The following KDM2A variants were observed in gnomAD, a reference collection of about 807,000 sequenced individuals.
KDM2A encodes the protein lysine demethylase 2A, also known as lysine-specific demethylase 2A.
A neutral mutation model predicts 137.3 loss-of-function variants in KDM2A; 3 were observed. The ratio of observed to expected loss-of-function variants is 0.02; its 90% CI spans 0.01 to 0.06. The LOEUF (loss-of-function observed/expected upper bound fraction) is 0.06. Ranked by LOEUF, KDM2A falls within the 10% of genes least tolerant of loss-of-function variation. The pLI is 1.00. For synonymous variants in KDM2A, 512 were observed against 541.5 expected (o/e 0.95, Z 0.76); for missense variants, 738 against 1,510.6 (o/e 0.49, Z 8.48).
rs771990150 is a variant in KDM2A, at chr11:67,250,224, C to T, written c.2194C>T (p.Pro732Ser). ...MLQLIHDPVS[P>S]RGMVTRSSPG... The stretch of plus-strand genomic sequence containing the variant: ...GCAGCTCATCCATGACCCGGTTTCC[C>T]CCCGGGGTATGGTGACTCGGTCATC... Residue 732 changes from proline (P) to serine (S), a missense_variant, in exon 17 of 21, where the codon CCC becomes TCC. Pro to Ser is a moderately conservative substitution (Grantham distance 74). Coordinates refer to ENST00000529006, the MANE Select transcript of KDM2A (RefSeq NM_012308.3). The surrounding 1 kb of genome is among the most constrained non-coding windows in gnomAD (Gnocchi z 7.1). The T allele has an allele frequency of 2.2e-5, 36 of 1,613,796 alleles. No homozygotes were observed. Among genetic ancestry groups the T allele is most frequent in the Non-Finnish European group, 2.1e-5 (25 of 1,179,886 alleles).
chr11:67,121,323 C>G lies in KDM2A; in HGVS notation c.7C>G (p.Pro3Ala). 1.2e-6 allele frequency: 2 copies of G among 1,613,710 alleles called. No individual in the cohort carries two copies. The highest frequency in any genetic ancestry group is 2.2e-5 in the South Asian group (2 of 91,068). The change falls in exon 2 of 21, where the codon CCC becomes GCC. Residue 3 changes from proline to alanine, a missense_variant. Around this residue, in one of 9 missense-constraint regions of KDM2A, gnomAD observed 74 missense variants for 181.8 expected, o/e 0.41. Coordinates refer to ENST00000529006, the MANE Select transcript of KDM2A (RefSeq NM_012308.3). ...TTCAACAGAAGAGTGAGAGATGGAA[C>G]CCGAAGAAGAAAGGATTCGTTACAG... MEPEEERIRYSQR... is the reference protein window; with the variant it reads MEAEEERIRYSQR...
At position 67,150,100 on chromosome 11, in the gene KDM2A, C is replaced by T. The variant is rs1044705198; in HGVS notation, c.42+28742C>T. Among the ~76,000 whole-genome samples, 7 of 152,192 alleles carry T rather than the reference C, an allele frequency of 4.6e-5. No homozygotes were observed. The East Asian group carries it at 5.8e-4, about 13-fold the overall frequency. Reference sequence around the variant, plus strand: ...TCGTTGTGTAATGACAGATCTTACACGAAATTACAGAATTCTTTACAACCC... The same window carrying T: ...TCGTTGTGTAATGACAGATCTTACATGAAATTACAGAATTCTTTACAACCC... On this transcript the variant is annotated intron_variant, in intron 2 of 20. Transcript: ENST00000529006.
chr11:67,222,059 CTTTTTT>C (rs11373238), intron 10 of KDM2A, among the ~76,000 whole-genome samples: 2 of 110,530 alleles, frequency 1.8e-5, no homozygotes, highest in East Asian at 2.6e-4. Context: ...CTCTGTCATT[CTTTTTT>C]TTTTTTTTTT....
rs1253328774 is a variant in KDM2A at position 67,254,143 on chromosome 11, C to T, written c.3092-60C>T. Reference sequence around the variant, plus strand: ...AGCAAGTAGCTGTTGCTGCCTGGAGCCTTGAAGCTGGATTAGAGAATTGAG... The same window carrying T: ...AGCAAGTAGCTGTTGCTGCCTGGAGTCTTGAAGCTGGATTAGAGAATTGAG... On this transcript the variant is annotated intron_variant, in intron 19 of 20. Transcript: ENST00000529006. The surrounding 1 kb of genome is among the most constrained non-coding windows in gnomAD (Gnocchi z 4.7). The T allele has an allele frequency of 5.4e-6, 8 of 1,487,782 alleles. No individual in the cohort carries two copies. Among genetic ancestry groups the T allele is most frequent in the African/African-American group, 1.4e-5 (1 of 72,426 alleles). 92.2% of individuals were successfully genotyped at this position (1,487,782 alleles called of 1,614,324 possible). A position where few individuals can be genotyped will look rare whatever the true frequency, so the allele number is the denominator to read the frequency against.
intron 2 of KDM2A, among the ~76,000 whole-genome samples, chr11:67,161,196 A>G (rs950130977): frequency 7.2e-5 from 11 of 152,202 alleles, no homozygotes; most frequent in African/African-American, 2.7e-4. Flanking sequence ...TCCTGTCTCT[A>G]TTAAAAATTT....
chr11:67,226,876 C>A (rs534338492), intron 10 of KDM2A, among the ~76,000 whole-genome samples: 1 of 151,988 alleles, frequency 6.6e-6, no homozygotes, highest in African/African-American at 2.4e-5. Context: ...CTTGTAATCT[C>A]GGCTACTGGG....
chr11:67,230,576 T>C (rs926865416), intron 11 of KDM2A, among the ~76,000 whole-genome samples: 5 of 150,282 alleles, frequency 3.3e-5, no homozygotes, highest in Non-Finnish European at 7.4e-5. Flanking sequence ...CAGTGAGCCA[T>C]GATTGCATCA....
chr11:67,213,074 A>G (rs2136390917), intron 6 of KDM2A, among the ~76,000 whole-genome samples: 1 of 152,324 alleles, frequency 6.6e-6, no homozygotes, highest in African/African-American at 2.4e-5. Context: ...GTTAACCTTA[A>G]CCGTTGCTCC....
intron 2 of KDM2A, among the ~76,000 whole-genome samples, chr11:67,171,913 C>T (rs925345117): frequency 3.9e-5 from 6 of 152,364 alleles, no homozygotes; most frequent in South Asian, 2.1e-4. Context: ...TCTCCTTAAA[C>T]ACCAGTACCA....
chr11:67,177,206 CAG>C (rs1445942768), intron 2 of KDM2A, among the ~76,000 whole-genome samples: 1 of 152,038 alleles, frequency 6.6e-6, no homozygotes, highest in Non-Finnish European at 1.5e-5. Context: ...GTGGAGGTTG[CAG>C]AGAGCCGAGA....
At chr11:67,144,444 G>A (rs1856196742) in intron 2 of KDM2A, among the ~76,000 whole-genome samples, 1 of 151,722 alleles carries the variant, frequency 6.6e-6, no homozygotes, top group Admixed American at 6.6e-5. Flanking sequence ...TAGAGTTGGG[G>A]TTTCTCCATG....
chr11:67,142,109 G>A (rs930115766), intron 2 of KDM2A, among the ~76,000 whole-genome samples: 5 of 151,788 alleles, frequency 3.3e-5, no homozygotes, highest in East Asian at 1.9e-4. Context: ...CACGATCTCC[G>A]CTCACTGCAA....
chr11:67,225,334 G>A (rs908291066), intron 10 of KDM2A, among the ~76,000 whole-genome samples: 2 of 152,146 alleles, frequency 1.3e-5, no homozygotes, highest in Non-Finnish European at 2.9e-5. Flanking sequence ...ATTCCTATGC[G>A]TGATGTTAAC....
chr11:67,150,340 T>A (rs558665866), intron 2 of KDM2A, among the ~76,000 whole-genome samples: 28 of 152,312 alleles, frequency 1.8e-4, no homozygotes, highest in Admixed American at 1.2e-3. Flanking sequence ...CTCAAAAATG[T>A]GAAAAATTTA....
intron 2 of KDM2A, among the ~76,000 whole-genome samples, chr11:67,150,574 T>C (rs1856361239): frequency 1.3e-5 from 2 of 152,196 alleles, no homozygotes; most frequent in Admixed American, 6.5e-5. Flanking sequence ...TGGAAACCAC[T>C]TGTTTAAATA....
intron 2 of KDM2A, among the ~76,000 whole-genome samples, chr11:67,130,093 G>A (rs957607522): frequency 5.3e-5 from 8 of 150,370 alleles, no homozygotes; most frequent in African/African-American, 1.7e-4. Context: ...CTCCCTAGTA[G>A]CTGGGATTAC....
chr11:67,248,139 A>G lies in KDM2A; in HGVS notation c.1966-142A>G, dbSNP rs944292253. The stretch of plus-strand genomic sequence containing the variant: ...AAGATCAGGTTCAGCACCATTGGCT[A>G]TTTGGGGCTGGATTGCTCACAGTTT... On this transcript the variant is annotated intron_variant, in intron 15 of 20. Transcript: ENST00000529006. 1.1e-4 allele frequency: 70 copies of G among 636,284 alleles called. 1 individual carries two copies. Among genetic ancestry groups the G allele is most frequent in the Middle Eastern group, 8.7e-4 (2 of 2,300 alleles). 39.4% of individuals were successfully genotyped at this position (636,284 alleles called of 1,614,324 possible).
At chr11:67,120,799 G>A (rs946266089) in intron 1 of KDM2A, among the ~76,000 whole-genome samples, 2 of 152,100 alleles carry the variant, frequency 1.3e-5, no homozygotes, top group African/African-American at 4.8e-5. Flanking sequence ...TAGTCAGTTT[G>A]CCCTTCTTTC....
chr11:67,255,258 G>A lies in KDM2A; in HGVS notation c.*203G>A. 1 of 590,152 alleles carries A rather than the reference G, an allele frequency of 1.7e-6. No homozygotes were observed. Among genetic ancestry groups the A allele is most frequent in the East Asian group, 2.8e-5 (1 of 35,132 alleles). 36.6% of individuals were successfully genotyped at this position (590,152 alleles called of 1,614,324 possible). ...TCTGCCTGCTCCTCTCCCTCCTAAG[G>A]AAAAGGGAGTAGCAGATTGATCTGA... On this transcript the variant is annotated 3_prime_UTR_variant, in exon 21 of 21. Coordinates refer to ENST00000529006, the MANE Select transcript of KDM2A (RefSeq NM_012308.3).
Sources: allele counts gnomAD v4.1 joint callset (sites outside exome capture counted in the v4.1 genomes callset), GRCh38; gene constraint gnomAD v4.1.1; regional missense constraint gnomAD v4.1.1; non-coding constraint Gnocchi (gnomAD v3.1); transcripts MANE v1.5; gene names NCBI Gene and HGNC (gene_info 2026-07-23, HGNC 2026-07-21).